The following EXOC4 variants were observed in gnomAD, a reference collection of about 807,000 sequenced individuals.
EXOC4 encodes SEC8-like 1.
In EXOC4, 71 loss-of-function variants were observed where a neutral mutation model predicts 107.2. That is an observed-to-expected ratio of 0.66 (90% CI 0.55 to 0.81). The LOEUF is 0.81. Among genes scored for constraint, EXOC4 ranks in the 30% least tolerant of loss-of-function variants. EXOC4 has a pLI of 0.00. For synonymous variants in EXOC4, 456 were observed against 441.2 expected, an observed-to-expected ratio of 1.03 and a Z score of -0.42; for missense variants, 1,108 against 1,189.6, an observed-to-expected ratio of 0.93 and a Z score of 1.01.
At chr7:133,558,101 T>C (rs545478404) in intron 9 of EXOC4, among the ~76,000 whole-genome samples, 73 of 152,346 alleles carry the variant, frequency 4.8e-4, no homozygotes, top group Middle Eastern at 3.4e-3. Context: ...TCTGCTTTTT[T>C]ATTCCTTGAT....
chr7:133,978,957 C>G (rs1585295905), intron 14 of EXOC4, among the ~76,000 whole-genome samples: 1 of 152,262 alleles, frequency 6.6e-6, no homozygotes, highest in East Asian at 1.9e-4. Flanking sequence ...AGACAAAGCA[C>G]AAGGGTATGT....
chr7:133,356,610 A>G (rs1258086568), intron 6 of EXOC4, 37 bp downstream of exon 6: 6 of 1,608,050 alleles, frequency 3.7e-6, no homozygotes, highest in South Asian at 3.3e-5. Context: ...TGACAACTCT[A>G]TTTATTGCAC....
chr7:134,016,761 A>G (rs1448215429), intron 17 of EXOC4, among the ~76,000 whole-genome samples: 2 of 152,156 alleles, frequency 1.3e-5, no homozygotes, highest in Admixed American at 6.5e-5. Context: ...AACCTGTTGC[A>G]CCGGGAACAT....
intron 11 of EXOC4, among the ~76,000 whole-genome samples, chr7:133,855,036 A>AAT (rs557564853): frequency 2.3e-5 from 2 of 88,482 alleles, no homozygotes; most frequent in African/African-American, 7.1e-5. Context: ...TATATATCTA[A>AAT]ATATATATAT....
At chr7:133,749,477 C>T (rs1271571652) in intron 10 of EXOC4, among the ~76,000 whole-genome samples, 1 of 152,144 alleles carries the variant, frequency 6.6e-6, no homozygotes, top group African/African-American at 2.4e-5. Flanking sequence ...ATTGCAACCT[C>T]TACCTCCCAG....
intron 15 of EXOC4, among the ~76,000 whole-genome samples, chr7:134,002,217 C>T (rs1453195347): frequency 6.6e-6 from 1 of 152,144 alleles, no homozygotes; most frequent in Non-Finnish European, 1.5e-5. Context: ...TAATTAGCAA[C>T]TGTTAAGATG....
intron 10 of EXOC4, among the ~76,000 whole-genome samples, chr7:133,637,230 T>C (rs1343796503): frequency 2.0e-5 from 3 of 152,246 alleles, no homozygotes; most frequent in African/African-American, 7.2e-5. Flanking sequence ...TTTTATTTTA[T>C]ACTTTTTGTT....
At chr7:133,879,017 G>T (rs560741170) in intron 11 of EXOC4, among the ~76,000 whole-genome samples, 5 of 152,048 alleles carry the variant, frequency 3.3e-5, no homozygotes, top group African/African-American at 9.7e-5. Flanking sequence ...GAGCCACTGC[G>T]CCTGGCCTCA....
At chr7:133,796,782 A>G (rs1034575221) in intron 10 of EXOC4, among the ~76,000 whole-genome samples, 1 of 152,162 alleles carries the variant, frequency 6.6e-6, no homozygotes, top group Non-Finnish European at 1.5e-5. Context: ...ATTCATAGTA[A>G]TCTATGTCTT....
chr7:133,539,192 C>T (rs1800334438), intron 9 of EXOC4, among the ~76,000 whole-genome samples: 1 of 152,200 alleles, frequency 6.6e-6, no homozygotes, highest in African/African-American at 2.4e-5. Context: ...AGACAGAGGG[C>T]AGTGACAGAG....
At chr7:133,970,961 A>T (rs1480696429) in intron 14 of EXOC4, among the ~76,000 whole-genome samples, 1 of 152,004 alleles carries the variant, frequency 6.6e-6, no homozygotes, top group Non-Finnish European at 1.5e-5. Flanking sequence ...AATTGCTTCT[A>T]AGTCTTTGAG....
chr7:133,675,420 G>A (rs888713498), intron 10 of EXOC4, among the ~76,000 whole-genome samples: 1 of 152,086 alleles, frequency 6.6e-6, no homozygotes, highest in Non-Finnish European at 1.5e-5. Flanking sequence ...TTATTTTTGT[G>A]TTATCTTTGT....
At chr7:133,508,129 T>C (rs894121920) in intron 9 of EXOC4, among the ~76,000 whole-genome samples, 1 of 152,048 alleles carries the variant, frequency 6.6e-6, no homozygotes. Flanking sequence ...TATCCATGAC[T>C]ACAAAGGTAC....
chr7:133,884,335 G>T (rs7776659), intron 11 of EXOC4, among the ~76,000 whole-genome samples: 1 of 152,024 alleles, frequency 6.6e-6, no homozygotes, highest in African/African-American at 2.4e-5. Flanking sequence ...TACCACCCTC[G>T]CACCAACGAC....
At chr7:133,366,582 A>G (rs780359155) in intron 6 of EXOC4, among the ~76,000 whole-genome samples, 1 of 151,982 alleles carries the variant, frequency 6.6e-6, no homozygotes, top group South Asian at 2.1e-4. Flanking sequence ...CCTTTTTGAG[A>G]GCATGGTTTT....
At chr7:133,757,097 G>A (rs756772395) in intron 10 of EXOC4, among the ~76,000 whole-genome samples, 4 of 152,148 alleles carry the variant, frequency 2.6e-5, no homozygotes, top group Admixed American at 1.3e-4. Context: ...TTTTCTGTGC[G>A]TAAGTGGCTG....
At chr7:134,075,569 C>T in the EXOC4 span, among the ~76,000 whole-genome samples, 1,075 of 152,220 alleles carry the variant, frequency 7.1e-3, 12 homozygotes, top group African/African-American at 0.024. Context: ...TATTCACTAC[C>T]GCAGAACATT....
At chr7:133,326,031 C>G (rs371239060) in intron 5 of EXOC4, among the ~76,000 whole-genome samples, 2 of 152,208 alleles carry the variant, frequency 1.3e-5, no homozygotes, top group Non-Finnish European at 2.9e-5. Context: ...GCATTCGTCA[C>G]GTAGTTCTCA....
chr7:133,286,785 T>G (rs1464848111), intron 2 of EXOC4, among the ~76,000 whole-genome samples: 1 of 152,244 alleles, frequency 6.6e-6, no homozygotes, highest in African/African-American at 2.4e-5. Flanking sequence ...TGGATCGTAC[T>G]GTTTAATATG....
Sources: allele counts gnomAD v4.1 joint callset (sites outside exome capture counted in the v4.1 genomes callset), GRCh38; gene constraint gnomAD v4.1.1; transcripts MANE v1.5; gene names NCBI Gene and HGNC (gene_info 2026-07-23, HGNC 2026-07-21).